Variants in VWC2 observed in about 807,000 individuals in gnomAD.
VWC2 encodes the protein brorin.
VWC2 carries 14 observed loss-of-function variants against 29.8 expected under a neutral mutation model. The observed-to-expected ratio is 0.47, with a 90% CI of 0.31 to 0.74. VWC2 has a LOEUF of 0.74. VWC2 is among the 30% of genes least tolerant of loss of function. The pLI, the probability that VWC2 is intolerant of heterozygous loss-of-function variation, is 0.05. For missense variants in VWC2, 457 were observed against 459.8 expected (o/e 0.99, Z 0.05); for synonymous variants, 213 against 199.0 (o/e 1.07, Z -0.59).
Position 49,858,613 on chromosome 7 carries a change from G to A in VWC2, c.827-53421G>A, listed in dbSNP as rs1437636403. On this transcript the variant is annotated intron_variant, in intron 3 of 3. Transcript: ENST00000340652. ...AGATATACCTAATGTTAAATGACGA[G>A]TTAATGGGTGCAGCACACCAACACG... Among the ~76,000 whole-genome samples, 8 of 151,016 alleles carry A rather than the reference G, an allele frequency of 5.3e-5. No homozygotes were observed. The East Asian group carries it at 1.6e-3, about 29-fold the overall frequency.
At chr7:49,860,772 G>A (rs1331282332) in intron 3 of VWC2, among the ~76,000 whole-genome samples, 1 of 152,198 alleles carries the variant, frequency 6.6e-6, no homozygotes, top group African/African-American at 2.4e-5. Context: ...TCATAAGGGT[G>A]AGGCCTTAAT....
intron 3 of VWC2, among the ~76,000 whole-genome samples, chr7:49,853,917 A>G (rs1790306392): frequency 7.7e-6 from 1 of 130,612 alleles, no homozygotes; most frequent in Non-Finnish European, 1.5e-5. Context: ...TCCTGTGTCC[A>G]AATGTTTTCA....
chr7:49,785,952 A>G (rs1037867338), intron 2 of VWC2, among the ~76,000 whole-genome samples: 5 of 152,242 alleles, frequency 3.3e-5, no homozygotes, highest in African/African-American at 1.2e-4. Flanking sequence ...TTAACTGTTT[A>G]CTAAGCTGTA....
At chr7:49,879,768 A>C (rs1791592410) in intron 3 of VWC2, among the ~76,000 whole-genome samples, 1 of 151,910 alleles carries the variant, frequency 6.6e-6, no homozygotes, top group South Asian at 2.1e-4. Context: ...GCCCTTTGCT[A>C]TCTTGGCTAA....
intron 3 of VWC2, among the ~76,000 whole-genome samples, chr7:49,902,229 T>C (rs1360963132): frequency 6.6e-6 from 1 of 151,900 alleles, no homozygotes; most frequent in Non-Finnish European, 1.5e-5. Context: ...TGAAAGATGT[T>C]CTCAAAAGAA....
At chr7:49,779,520 C>CT (rs1788129111) in intron 2 of VWC2, among the ~76,000 whole-genome samples, 1 of 151,646 alleles carries the variant, frequency 6.6e-6, no homozygotes, top group African/African-American at 2.4e-5. Context: ...TACCAAGTGT[C>CT]TTTTTTTCTT....
Position 49,921,015 on chromosome 7 carries a change from C to T in VWC2, c.*8830C>T, listed in dbSNP as rs1793993894. 2 of 152,298 alleles carry T rather than the reference C, an allele frequency of 1.3e-5. No homozygotes were observed. The highest frequency in any genetic ancestry group is 2.4e-5 in the African/African-American group (1 of 41,560). 9.4% of individuals were successfully genotyped at this position (152,298 alleles called of 1,614,324 possible). On this transcript the variant is annotated 3_prime_UTR_variant, in exon 4 of 4. Transcript: ENST00000340652. The stretch of plus-strand genomic sequence containing the variant: ...TGGTGAAAGTTTTCCAGTAAGTGTT[C>T]ATGTCCTGTACAAATTTATTAAACA...
rs1789366936 is a variant in VWC2, at chr7:49,825,234, A to C, written c.826+22394A>C. Among the ~76,000 whole-genome samples, 3 of 152,180 alleles carry C rather than the reference A, an allele frequency of 2.0e-5. No homozygotes were observed. In the South Asian group the frequency reaches 6.2e-4, roughly 31 times the overall value. On this transcript the variant is annotated intron_variant, in intron 3 of 3. Transcript: ENST00000340652. ...TAGTTTTCATTTCTTCATGTTGATT[A>C]TCTCTCACTCATTAAGACTCATTAA...
chr7:49,894,686 G>C (rs560278151), intron 3 of VWC2, among the ~76,000 whole-genome samples: 10 of 152,338 alleles, frequency 6.6e-5, no homozygotes, highest in African/African-American at 2.2e-4. Flanking sequence ...TCAGGGAAAA[G>C]CGTGGGTGGG....
chr7:49,874,522 CGTT>C, intron 3 of VWC2, among the ~76,000 whole-genome samples: 1 of 151,224 alleles, frequency 6.6e-6, no homozygotes, highest in Non-Finnish European at 1.5e-5. Context: ...AATGTATCCT[CGTT>C]GTTACATGAC....
chr7:49,776,238 A>G, intron 2 of VWC2, 107 bp downstream of exon 2: 1 of 985,556 alleles, frequency 1.0e-6, no homozygotes, highest in Non-Finnish European at 1.5e-6. Flanking sequence ...TCTGGTTCTG[A>G]GAGGTGGAGA....
At chr7:49,844,257 T>C (rs1789865948) in intron 3 of VWC2, among the ~76,000 whole-genome samples, 1 of 152,222 alleles carries the variant, frequency 6.6e-6, no homozygotes, top group Non-Finnish European at 1.5e-5. Context: ...GCTGAGTCCC[T>C]GAAGGGCGTC....
At position 49,914,238 on chromosome 7, in the gene VWC2, A is replaced by G. The variant is rs1376829969; in HGVS notation, c.*2053A>G. 6.6e-6 allele frequency: 1 copy of G among 152,258 alleles called. No individual in the cohort carries two copies. The highest frequency in any genetic ancestry group is 1.5e-5 in the Non-Finnish European group (1 of 68,050). 9.4% of individuals were successfully genotyped at this position (152,258 alleles called of 1,614,324 possible). On this transcript the variant is annotated 3_prime_UTR_variant, in exon 4 of 4. Transcript: ENST00000340652. ...TAGAGACTCAGTCCATGCAGCTCAA[A>G]GTCTTCCTGTTTCCCTTAATAATAA... is the stretch of plus-strand genomic sequence containing the variant.
Position 49,834,379 on chromosome 7 carries a change from A to G in VWC2, c.826+31539A>G, listed in dbSNP as rs78337393. On this transcript the variant is annotated intron_variant, in intron 3 of 3. Coordinates refer to ENST00000340652, the MANE Select transcript of VWC2 (RefSeq NM_198570.5). ...AAATGAATCTAGGCAGAGAGCTTTC[A>G]TCATACATTAAGAAGTCCATGCTGG... is the stretch of plus-strand genomic sequence containing the variant. 7.9e-4 allele frequency among the ~76,000 whole-genome samples: 120 copies of G among 152,332 alleles called. No homozygotes were observed. In the East Asian group the frequency reaches 0.019, roughly 24 times the overall value.
intron 3 of VWC2, among the ~76,000 whole-genome samples, chr7:49,910,720 C>A (rs879272588): frequency 4.6e-5 from 7 of 152,156 alleles, no homozygotes; most frequent in Non-Finnish European, 7.3e-5. Context: ...TATATTATAG[C>A]TGATATAGAA....
At chr7:49,859,202 T>C (rs752943029) in intron 3 of VWC2, among the ~76,000 whole-genome samples, 2 of 152,244 alleles carry the variant, frequency 1.3e-5, no homozygotes, top group Non-Finnish European at 2.9e-5. Context: ...TAAAGTCTTC[T>C]TTAAGGGTTT....
chr7:49,856,507 A>G (rs1175091970), intron 3 of VWC2, among the ~76,000 whole-genome samples: 1 of 152,170 alleles, frequency 6.6e-6, no homozygotes, highest in Admixed American at 6.5e-5. Flanking sequence ...ATTACCCTTT[A>G]TAACAACACA....
At position 49,783,977 on chromosome 7, in the gene VWC2, T is replaced by C. The variant is rs1275969084; in HGVS notation, c.696+7846T>C. ...CTGCACATTTCCAAGTATCCAAGAA[T>C]AGCAAAAGTGATGATGCTTTAAACA... On this transcript the variant is annotated intron_variant, in intron 2 of 3. Coordinates refer to ENST00000340652, the MANE Select transcript of VWC2 (RefSeq NM_198570.5). 2.6e-5 allele frequency among the ~76,000 whole-genome samples: 4 copies of C among 152,170 alleles called. No homozygotes were observed. The East Asian group carries it at 7.7e-4, about 29-fold the overall frequency.
intron 3 of VWC2, among the ~76,000 whole-genome samples, chr7:49,874,548 A>ATATG (rs1401688397): frequency 6.8e-6 from 1 of 147,644 alleles, no homozygotes; most frequent in African/African-American, 2.5e-5. Context: ...ATGACTATAT[A>ATATG]TGTGTGTGTG....
Sources: allele counts gnomAD v4.1 joint callset (sites outside exome capture counted in the v4.1 genomes callset), GRCh38; gene constraint gnomAD v4.1.1; transcripts MANE v1.5; gene names NCBI Gene and HGNC (gene_info 2026-07-23, HGNC 2026-07-21).